Variants in TAS2R1 observed in about 807,000 individuals in gnomAD.
TAS2R1 encodes taste receptor type 2 member 1.
For synonymous variants in TAS2R1, 141 were observed against 134.2 expected, an observed-to-expected ratio of 1.05 and a Z score of -0.35; for missense variants, 370 against 353.4, an observed-to-expected ratio of 1.05 and a Z score of -0.38.
At chr5:9,639,072 C>A (rs528950687) in intron 2 of TAS2R1, among the ~76,000 whole-genome samples, 4 of 152,328 alleles carry the variant, frequency 2.6e-5, no homozygotes, top group African/African-American at 9.6e-5. Context: ...GGCAGCAGCT[C>A]CTGTGCTTGC....
the TAS2R1 span, among the ~76,000 whole-genome samples, chr5:9,826,027 A>T: frequency 6.6e-6 from 1 of 152,190 alleles, no homozygotes; most frequent in African/African-American, 2.4e-5. Flanking sequence ...TTTCTAGGCC[A>T]TTTCAGTGGT....
chr5:9,732,271 C>G, the TAS2R1 span, among the ~76,000 whole-genome samples: 1 of 152,102 alleles, frequency 6.6e-6, no homozygotes, highest in Non-Finnish European at 1.5e-5. Flanking sequence ...GGCCCGAGTT[C>G]TTGGAGCAGA....
chr5:9,715,477 T>C (rs1272162703), upstream of TAS2R1, among the ~76,000 whole-genome samples: 1 of 152,222 alleles, frequency 6.6e-6, no homozygotes, highest in Non-Finnish European at 1.5e-5. Context: ...TCCATACAGC[T>C]TATTGATTTA....
rs576208710 is a variant in TAS2R1 at position 9,706,333 on chromosome 5, C to T, written c.-242+5839G>A. Reference sequence around the variant, plus strand: ...GGGGAACTGGCCTGGCCTGCGAAGCCACAACCCAAACACCTGTGACCAAAC... The same window carrying T: ...GGGGAACTGGCCTGGCCTGCGAAGCTACAACCCAAACACCTGTGACCAAAC... On this transcript the variant is annotated intron_variant, in intron 1 of 2. Coordinates refer to the TAS2R1 transcript ENST00000506620. Among the ~76,000 whole-genome samples, 35 of 152,294 alleles carry T rather than the reference C, an allele frequency of 2.3e-4. No homozygotes were observed. The East Asian group carries it at 6.2e-3, about 27-fold the overall frequency.
chr5:9,729,456 T>A, the TAS2R1 span, among the ~76,000 whole-genome samples: 1 of 152,172 alleles, frequency 6.6e-6, no homozygotes, highest in Admixed American at 6.5e-5. Context: ...ACACACTGCC[T>A]CCAACCTAAG....
the TAS2R1 span, among the ~76,000 whole-genome samples, chr5:9,745,814 C>A: frequency 6.6e-6 from 1 of 151,932 alleles, no homozygotes; most frequent in African/African-American, 2.4e-5. Flanking sequence ...CCATAAAAAC[C>A]CTAGAAAAAA....
At chr5:9,781,287 A>AGGAGCAAG in the TAS2R1 span, among the ~76,000 whole-genome samples, 4 of 152,174 alleles carry the variant, frequency 2.6e-5, no homozygotes, top group African/African-American at 9.7e-5. Flanking sequence ...TGAAAATGTT[A>AGGAGCAAG]GAATCATCCT....
the TAS2R1 span, among the ~76,000 whole-genome samples, chr5:9,795,816 G>A: frequency 6.6e-6 from 1 of 152,180 alleles, no homozygotes; most frequent in South Asian, 2.1e-4. Context: ...GAATTTGTCT[G>A]TGTTGGTGAA....
At chr5:9,753,380 A>G in the TAS2R1 span, among the ~76,000 whole-genome samples, 2 of 152,282 alleles carry the variant, frequency 1.3e-5, no homozygotes, top group African/African-American at 4.8e-5. Flanking sequence ...TCCTTTGCCC[A>G]CTTTTTGATG....
the TAS2R1 span, among the ~76,000 whole-genome samples, chr5:9,838,318 G>GT: frequency 6.6e-6 from 1 of 152,060 alleles, no homozygotes; most frequent in Admixed American, 6.6e-5. Flanking sequence ...TGGGCCCCTG[G>GT]TTTTTTTCCC....
chr5:9,702,050 T>A, intron 1 of TAS2R1, among the ~76,000 whole-genome samples: 1 of 152,182 alleles, frequency 6.6e-6, no homozygotes, highest in East Asian at 1.9e-4. Context: ...TGAAATCCAC[T>A]CCTAGAGCTG....
the TAS2R1 span, among the ~76,000 whole-genome samples, chr5:9,754,993 G>T: frequency 6.6e-6 from 1 of 152,172 alleles, no homozygotes. Context: ...ATAAAATCTT[G>T]TCTAACATAG....
chr5:9,791,044 C>G, the TAS2R1 span, among the ~76,000 whole-genome samples: 1 of 152,148 alleles, frequency 6.6e-6, no homozygotes, highest in African/African-American at 2.4e-5. Context: ...GGCTGGTTAC[C>G]AGTGAAAAAT....
chr5:9,660,916 C>T (rs1483512218), intron 1 of TAS2R1, among the ~76,000 whole-genome samples: 1 of 152,078 alleles, frequency 6.6e-6, no homozygotes, highest in Admixed American at 6.5e-5. Flanking sequence ...CACTTGACAG[C>T]CAGCAAGCAA....
At chr5:9,835,194 G>T in the TAS2R1 span, among the ~76,000 whole-genome samples, 1 of 152,226 alleles carries the variant, frequency 6.6e-6, no homozygotes, top group African/African-American at 2.4e-5. Context: ...GCCAAGGGGA[G>T]ATGGATGTGT....
At chr5:9,728,615 A>G in the TAS2R1 span, among the ~76,000 whole-genome samples, 5 of 152,240 alleles carry the variant, frequency 3.3e-5, no homozygotes, top group Non-Finnish European at 5.9e-5. Flanking sequence ...ATGTGGATGT[A>G]AATAGTTCAT....
At chr5:9,791,189 A>AAC in the TAS2R1 span, among the ~76,000 whole-genome samples, 22 of 151,932 alleles carry the variant, frequency 1.4e-4, no homozygotes, top group Admixed American at 9.8e-4. Context: ...TAGTGGAGTG[A>AAC]ACACACACAC....
At chr5:9,743,110 A>C in the TAS2R1 span, among the ~76,000 whole-genome samples, 1 of 151,774 alleles carries the variant, frequency 6.6e-6, no homozygotes, top group Non-Finnish European at 1.5e-5. Context: ...CCATTTCCCC[A>C]ACCAGACAAC....
chr5:9,798,595 C>T, the TAS2R1 span, among the ~76,000 whole-genome samples: 3 of 152,182 alleles, frequency 2.0e-5, no homozygotes, highest in Admixed American at 6.5e-5. Flanking sequence ...CTGTAAAATG[C>T]TGAGGGTCCC....
Sources: allele counts gnomAD v4.1 joint callset (sites outside exome capture counted in the v4.1 genomes callset), GRCh38; gene constraint gnomAD v4.1.1; transcripts MANE v1.5; gene names NCBI Gene and HGNC (gene_info 2026-07-23, HGNC 2026-07-21).